Variants in TMEM132B observed in about 807,000 individuals in gnomAD.
TMEM132B encodes transmembrane protein 132B.
Under a neutral mutation model 90.8 loss-of-function variants are expected in TMEM132B, and 18 were observed. The ratio of observed to expected loss-of-function variants is 0.20; its 90% CI spans 0.14 to 0.29. The LOEUF (loss-of-function observed/expected upper bound fraction) is 0.29. Among genes scored for constraint, TMEM132B ranks in the 10% least tolerant of loss-of-function variants. The probability of loss-of-function intolerance (pLI) is 1.00; values close to 1 mark genes in which losing one functional copy is unlikely to be tolerated. For synonymous variants in TMEM132B, 504 were observed against 523.3 expected (o/e 0.96, Z 0.50); for missense variants, 1,096 against 1,326.8 (o/e 0.83, Z 2.70).
chr12:125,413,311 GT>G (rs965021935), intron 2 of TMEM132B, among the ~76,000 whole-genome samples: 93 of 151,226 alleles, frequency 6.1e-4, no homozygotes, highest in East Asian at 2.1e-3. Flanking sequence ...TTCACCTGTG[GT>G]TTTTTTTTCC....
At chr12:125,258,183 G>T (rs1017052444) in intron 1 of TMEM132B, among the ~76,000 whole-genome samples, 1 of 152,226 alleles carries the variant, frequency 6.6e-6, no homozygotes, top group Non-Finnish European at 1.5e-5. Context: ...AGACAAATGA[G>T]ACGGTTTCAT....
At chr12:125,578,822 A>G (rs370573867) in intron 4 of TMEM132B, among the ~76,000 whole-genome samples, 1 of 152,102 alleles carries the variant, frequency 6.6e-6, no homozygotes, top group South Asian at 2.1e-4. Flanking sequence ...GTCTTATTGA[A>G]GATTGCTTGT....
At chr12:125,634,672 A>G (rs540668142) in intron 5 of TMEM132B, among the ~76,000 whole-genome samples, 1 of 152,254 alleles carries the variant, frequency 6.6e-6, no homozygotes, top group African/African-American at 2.4e-5. Context: ...CTTTCCTTCA[A>G]GGCAGTGTGT....
chr12:125,265,026 C>T (rs1355316838), intron 1 of TMEM132B, among the ~76,000 whole-genome samples: 2 of 152,212 alleles, frequency 1.3e-5, no homozygotes, highest in Admixed American at 6.5e-5. Context: ...GAGCCTGCTA[C>T]ACACCTAGGC....
intron 2 of TMEM132B, among the ~76,000 whole-genome samples, chr12:125,382,215 T>A (rs1014422647): frequency 3.9e-5 from 6 of 152,246 alleles, no homozygotes; most frequent in Non-Finnish European, 8.8e-5. Context: ...GTGCACCCAG[T>A]ATCTCCAGGC....
intron 2 of TMEM132B, among the ~76,000 whole-genome samples, chr12:125,412,560 G>A (rs1260667120): frequency 6.6e-6 from 1 of 152,184 alleles, no homozygotes; most frequent in Middle Eastern, 3.2e-3. Context: ...TCAGCCGGTC[G>A]TGCGCTATCG....
intron 2 of TMEM132B, among the ~76,000 whole-genome samples, chr12:125,394,738 T>A (rs1235263141): frequency 6.6e-6 from 1 of 152,174 alleles, no homozygotes; most frequent in African/African-American, 2.4e-5. Context: ...AAAATAAGTC[T>A]GGGGATCATC....
At chr12:125,230,049 C>T (rs190212012) in intron 1 of TMEM132B, among the ~76,000 whole-genome samples, 3 of 152,232 alleles carry the variant, frequency 2.0e-5, no homozygotes, top group African/African-American at 7.2e-5. Context: ...GGGAACAGGG[C>T]GGAGGATGGT....
At chr12:125,644,421 A>G (rs1886709791) in intron 6 of TMEM132B, 140 bp downstream of exon 6, 4 of 826,704 alleles carry the variant, frequency 4.8e-6, no homozygotes, top group Non-Finnish European at 5.6e-6. Context: ...TTGGGTTCAG[A>G]TGGATCTGAC....
intron 1 of TMEM132B, among the ~76,000 whole-genome samples, chr12:125,242,269 C>T (rs988996706): frequency 1.3e-5 from 2 of 152,144 alleles, no homozygotes; most frequent in African/African-American, 4.8e-5. Flanking sequence ...CCTGCCTCAG[C>T]CTTCTGAGTA....
In TMEM132B at chr12:125,266,683, T is replaced by A. The variant is rs947711050; in HGVS notation, c.67+79817T>A. Among the ~76,000 whole-genome samples, 24 of 152,236 alleles carry A rather than the reference T, an allele frequency of 1.6e-4. 1 individual carries two copies. Among genetic ancestry groups the A allele is most frequent in the Non-Finnish European group, 2.4e-4 (16 of 68,036 alleles). On this transcript the variant is annotated intron_variant, in intron 1 of 8. Transcript: ENST00000682704. ...TTCTCCACACCACACTTGTAAAAAA[T>A]GTTACCCAAGTTTTCTTTTGATACT...
At chr12:125,275,217 C>T (rs186755757) in intron 1 of TMEM132B, among the ~76,000 whole-genome samples, 226 of 152,292 alleles carry the variant, frequency 1.5e-3, no homozygotes, top group African/African-American at 5.3e-3. Context: ...ATTCTGAATT[C>T]CTAGGATTTG....
At chr12:125,451,863 C>G (rs1242149201) in intron 3 of TMEM132B, among the ~76,000 whole-genome samples, 1 of 152,218 alleles carries the variant, frequency 6.6e-6, no homozygotes, top group Non-Finnish European at 1.5e-5. Context: ...CAGGAAAAAA[C>G]TCAGATCACT....
At chr12:125,356,490 C>T (rs1467963770) in intron 2 of TMEM132B, among the ~76,000 whole-genome samples, 1 of 152,214 alleles carries the variant, frequency 6.6e-6, no homozygotes, top group Non-Finnish European at 1.5e-5. Context: ...ATTGATTCTC[C>T]CTATTCTCTG....
At chr12:125,294,610 A>C (rs554117545) in intron 1 of TMEM132B, among the ~76,000 whole-genome samples, 1 of 152,328 alleles carries the variant, frequency 6.6e-6, no homozygotes, top group East Asian at 1.9e-4. Flanking sequence ...TCAACTACGA[A>C]TCTTCCCAAC....
intron 4 of TMEM132B, among the ~76,000 whole-genome samples, chr12:125,582,496 G>A (rs576687182): frequency 2.5e-4 from 38 of 152,186 alleles, no homozygotes; most frequent in African/African-American, 8.9e-4. Context: ...TATCTAGTTG[G>A]ATCATTCTAG....
chr12:125,542,539 T>C (rs1160259004), intron 4 of TMEM132B, among the ~76,000 whole-genome samples: 1 of 152,246 alleles, frequency 6.6e-6, no homozygotes, highest in Non-Finnish European at 1.5e-5. Context: ...ACCATGGTGC[T>C]TTCTGCCTCT....
intron 2 of TMEM132B, among the ~76,000 whole-genome samples, chr12:125,382,061 C>G (rs991219975): frequency 1.4e-4 from 22 of 152,118 alleles, no homozygotes; most frequent in African/African-American, 5.1e-4. Flanking sequence ...GCCCAACATC[C>G]CTTTTAGAAA....
At chr12:125,218,400 C>G (rs964151973) in intron 1 of TMEM132B, among the ~76,000 whole-genome samples, 8 of 151,974 alleles carry the variant, frequency 5.3e-5, no homozygotes, top group African/African-American at 1.7e-4. Context: ...TCTCTTTGTC[C>G]TTGTGACCGA....
Sources: allele counts gnomAD v4.1 joint callset (sites outside exome capture counted in the v4.1 genomes callset), GRCh38; gene constraint gnomAD v4.1.1; transcripts MANE v1.5; gene names NCBI Gene and HGNC (gene_info 2026-07-23, HGNC 2026-07-21).